Variants in DTWD1 observed in about 807,000 individuals in gnomAD.
The protein encoded by DTWD1 is DTW motif tRNA-uridine aminocarboxypropyltransferase 1.
Under a neutral mutation model 30.2 loss-of-function variants are expected in DTWD1, and 27 were observed. That is an observed-to-expected ratio of 0.90 (90% CI 0.66 to 1.23). The LOEUF (loss-of-function observed/expected upper bound fraction) is 1.23. Among genes scored for constraint, DTWD1 ranks in the 50% most tolerant of loss-of-function variants. The probability of loss-of-function intolerance (pLI) is 0.00; values close to 1 mark genes in which losing one functional copy is unlikely to be tolerated. For synonymous variants in DTWD1, 99 were observed against 113.1 expected, an observed-to-expected ratio of 0.88 and a Z score of 0.79; for missense variants, 342 against 348.8, an observed-to-expected ratio of 0.98 and a Z score of 0.15.
intron 3 of DTWD1, among the ~76,000 whole-genome samples, chr15:49,633,053 A>ATATATATATATATC (rs1555588624): frequency 8.7e-6 from 1 of 114,604 alleles, no homozygotes; most frequent in Non-Finnish European, 2.1e-5. Flanking sequence ...CTATATCTAT[A>ATATATATATATATC]TATATATATA....
At chr15:49,621,380 T>G (rs910779339) in intron 1 of DTWD1, 10 of 152,190 alleles carry the variant, frequency 6.6e-5, no homozygotes, top group African/African-American at 2.4e-4. Flanking sequence ...CCAATGATTT[T>G]CGGTGCATTC....
rs1238178224 is a variant in DTWD1, at chr15:49,645,262, TAAAG to T, written c.*1686_*1689del. ...TAATATACATGGGGCAACTGAGAAT[TAAAG>T]AGGTAAGTAAATTATTGATAGATCA... On this transcript the variant is annotated 3_prime_UTR_variant, in exon 5 of 5. Coordinates refer to ENST00000403028, the MANE Select transcript of DTWD1 (RefSeq NM_001144955.2). 6.6e-6 allele frequency: 1 copy of T among 152,112 alleles called. No homozygotes were observed. The highest frequency in any genetic ancestry group is 1.5e-5 in the Non-Finnish European group (1 of 68,010). 9.4% of individuals were successfully genotyped at this position (152,112 alleles called of 1,614,324 possible).
Position 49,643,544 on chromosome 15 carries a change from C to T in DTWD1, c.881C>T (p.Ser294Phe), listed in dbSNP as rs1422955856. The T allele has an allele frequency of 6.9e-6, 11 of 1,602,416 alleles. No homozygotes were observed. The highest frequency in any genetic ancestry group is 1.7e-5 in the Admixed American group (1 of 57,324). The change falls in exon 5 of 5, where the codon TCT becomes TTT. Residue 294 changes from serine (S) to phenylalanine (F), a missense_variant. Coordinates refer to ENST00000403028, the MANE Select transcript of DTWD1 (RefSeq NM_001144955.2). ...CAGTTGATAAAGAATGCCAAATGCT[C>T]TGGAGATAAGGAAACAGGAAAACTT... ...MYQLIKNAKC[S>F]GDKETGKLTH is the part of the protein sequence containing the mutation.
In DTWD1 at chr15:49,648,020, A is replaced by T. The variant is rs1224014729; in HGVS notation, c.*4442A>T. ...GGCCAATCTTAGTTAAAAGTTGTAA[A>T]TGCAACCATAGGCTACATGTTACAT... On this transcript the variant is annotated 3_prime_UTR_variant, in exon 5 of 5. Transcript: ENST00000403028. The T allele has an allele frequency of 6.6e-6, 1 of 152,164 alleles. No homozygotes were observed. Among genetic ancestry groups the T allele is most frequent in the Non-Finnish European group, 1.5e-5 (1 of 68,020 alleles). 9.4% of individuals were successfully genotyped at this position (152,164 alleles called of 1,614,324 possible). A position where few individuals can be genotyped will look rare whatever the true frequency, so the allele number is the denominator to read the frequency against.
At chr15:49,635,569 T>C (rs1357980460) in intron 4 of DTWD1, among the ~76,000 whole-genome samples, 7 of 152,252 alleles carry the variant, frequency 4.6e-5, no homozygotes, top group South Asian at 4.1e-4. Flanking sequence ...CTCAGCTCAC[T>C]GCAACCTCTG....
At chr15:49,636,525 G>A (rs958101637) in intron 4 of DTWD1, among the ~76,000 whole-genome samples, 1 of 151,926 alleles carries the variant, frequency 6.6e-6, no homozygotes, top group African/African-American at 2.4e-5. Context: ...TGTATCTTTA[G>A]TCTCTTTTAA....
rs1260801511 is a variant in DTWD1, at chr15:49,648,587, C to T, written c.*5009C>T. On this transcript the variant is annotated 3_prime_UTR_variant, in exon 5 of 5. Coordinates refer to ENST00000403028, the MANE Select transcript of DTWD1 (RefSeq NM_001144955.2). ...AGTGCTGGGATTAACAGGCCTGAGC[C>T]ACAACACCCAGCCTAAATTATTTTT... is the stretch of plus-strand genomic sequence containing the variant. 6.6e-6 allele frequency: 1 copy of T among 152,140 alleles called. No homozygotes were observed. The highest frequency in any genetic ancestry group is 2.4e-5 in the African/African-American group (1 of 41,386). The allele number at this position is 152,140 out of a possible 1,614,324, so 9.4% of individuals were successfully genotyped here.
At chr15:49,630,317 G>A (rs2153352102) in intron 2 of DTWD1, among the ~76,000 whole-genome samples, 1 of 152,296 alleles carries the variant, frequency 6.6e-6, no homozygotes, top group East Asian at 1.9e-4. Context: ...AATATGTACA[G>A]TTTAAGACAT....
chr15:49,632,420 C>G (rs1213612166), intron 3 of DTWD1, 118 bp downstream of exon 3: 47 of 976,102 alleles, frequency 4.8e-5, no homozygotes, highest in Non-Finnish European at 7.0e-5. Flanking sequence ...AAGTATTATG[C>G]TCAGGTAATG....
intron 2 of DTWD1, among the ~76,000 whole-genome samples, chr15:49,627,471 C>G (rs959016621): frequency 2.6e-5 from 4 of 152,146 alleles, no homozygotes; most frequent in Admixed American, 6.5e-5. Context: ...TCATATGTCT[C>G]CTAATGACAG....
intron 3 of DTWD1, among the ~76,000 whole-genome samples, chr15:49,633,043 CTA>C (rs368196512): frequency 0.011 from 1,469 of 129,080 alleles, 33 homozygotes; most frequent in African/African-American, 0.017. Flanking sequence ...CTATTTATAT[CTA>C]TATCTATATA....
chr15:49,633,049 C>CTATATCTATCTATATATATA (rs774517463), intron 3 of DTWD1, among the ~76,000 whole-genome samples: 1 of 117,316 alleles, frequency 8.5e-6, no homozygotes, highest in African/African-American at 3.3e-5. Flanking sequence ...ATATCTATAT[C>CTATATCTATCTATATATATA]TATATATATA....
chr15:49,649,517 G>A lies in DTWD1; in HGVS notation c.*5939G>A, dbSNP rs2035763562. 1 of 152,274 alleles carries A rather than the reference G, an allele frequency of 6.6e-6. No individual in the cohort carries two copies. Among genetic ancestry groups the A allele is most frequent in the Admixed American group, 6.5e-5 (1 of 15,280 alleles). 9.4% of individuals were successfully genotyped at this position (152,274 alleles called of 1,614,324 possible). On this transcript the variant is annotated 3_prime_UTR_variant, in exon 5 of 5. Transcript: ENST00000403028. Reference sequence around the variant, plus strand: ...TTTAGGAGGCCAAGGCAGGTGGATCGCCTGAGGTCTGGAGTTTAAGACCAG... The same window carrying A: ...TTTAGGAGGCCAAGGCAGGTGGATCACCTGAGGTCTGGAGTTTAAGACCAG...
chr15:49,636,563 A>T (rs556743812), intron 4 of DTWD1, among the ~76,000 whole-genome samples: 11 of 152,064 alleles, frequency 7.2e-5, no homozygotes, highest in African/African-American at 2.4e-4. Context: ...TTTATTTTTC[A>T]TGACTTAGAC....
Position 49,652,685 on chromosome 15 carries a change from G to A in DTWD1, c.*9107G>A, listed in dbSNP as rs2079159371. The stretch of plus-strand genomic sequence containing the variant: ...CTCCCATCTTCTAAATTTCTGAGAG[G>A]TCAAGAAAAGAGGTCTCTTGATTCC... On this transcript the variant is annotated 3_prime_UTR_variant, in exon 5 of 5. Coordinates refer to ENST00000403028, the MANE Select transcript of DTWD1 (RefSeq NM_001144955.2). 8 of 134,212 alleles carry A rather than the reference G, an allele frequency of 6.0e-5. No homozygotes were observed. The allele number at this position is 134,212 out of a possible 1,614,324, so 8.3% of individuals were successfully genotyped here. A position where few individuals can be genotyped will look rare whatever the true frequency, so the allele number is the denominator to read the frequency against.
At position 49,653,206 on chromosome 15, in the gene DTWD1, T is replaced by G. The variant is rs887375690; in HGVS notation, c.*9628T>G. 6.6e-6 allele frequency: 1 copy of G among 152,086 alleles called. No homozygotes were observed. The highest frequency in any genetic ancestry group is 2.4e-5 in the African/African-American group (1 of 41,412). The allele number at this position is 152,086 out of a possible 1,614,324, so 9.4% of individuals were successfully genotyped here. A position where few individuals can be genotyped will look rare whatever the true frequency, so the allele number is the denominator to read the frequency against. The stretch of plus-strand genomic sequence containing the variant: ...TTTGAAATGTAGAGATTATCCTGAA[T>G]TATCTAGGTAGGCTCAATATAAGCA... On this transcript the variant is annotated 3_prime_UTR_variant, in exon 5 of 5. Coordinates refer to ENST00000403028, the MANE Select transcript of DTWD1 (RefSeq NM_001144955.2).
intron 4 of DTWD1, among the ~76,000 whole-genome samples, chr15:49,635,346 T>A (rs2078987194): frequency 6.6e-6 from 1 of 152,040 alleles, no homozygotes; most frequent in Non-Finnish European, 1.5e-5. Flanking sequence ...AAGTGTACAT[T>A]TTCTAAGAAT....
At position 49,644,067 on chromosome 15, in the gene DTWD1, C is replaced by A. The variant is rs894883476; in HGVS notation, c.*489C>A. On this transcript the variant is annotated 3_prime_UTR_variant, in exon 5 of 5. Transcript: ENST00000403028. ...GGTATCTAGGGCTGTTTCTTTAAGTCCTAAGGTTGTTAAAAGCAGAGACTC... is the reference window on the plus strand; with the variant it reads ...GGTATCTAGGGCTGTTTCTTTAAGTACTAAGGTTGTTAAAAGCAGAGACTC... 4 of 152,014 alleles carry A rather than the reference C, an allele frequency of 2.6e-5. No homozygotes were observed. Among genetic ancestry groups the A allele is most frequent in the African/African-American group, 9.7e-5 (4 of 41,354 alleles). 9.4% of individuals were successfully genotyped at this position (152,014 alleles called of 1,614,324 possible).
intron 2 of DTWD1, 60 bp downstream of exon 2, chr15:49,625,491 G>A: frequency 1.4e-6 from 2 of 1,381,304 alleles, no homozygotes; most frequent in Non-Finnish European, 2.0e-6. Flanking sequence ...AACATCTCAT[G>A]TATACCTACT....
Sources: gnomAD v4.1 joint callset for allele counts (sites outside exome capture counted in the v4.1 genomes callset) on GRCh38, gnomAD v4.1.1 for gene constraint, MANE v1.5 for transcripts, NCBI Gene and HGNC (gene_info 2026-07-23, HGNC 2026-07-21) for gene names.